DGKB: variants seen among roughly 807,000 people sequenced by gnomAD.
The protein encoded by DGKB is 90 kDa diacylglycerol kinase.
A neutral mutation model predicts 114.3 loss-of-function variants in DGKB; 67 were observed. The observed-to-expected ratio is 0.59, with a 90% CI of 0.48 to 0.72. The LOEUF is 0.72. DGKB is among the 30% of genes least tolerant of loss of function. DGKB has a pLI of 0.00. For missense variants in DGKB, 907 were observed against 975.2 expected (o/e 0.93, Z 0.93); for synonymous variants, 398 against 323.1 (o/e 1.23, Z -2.49).
At chr7:14,212,762 TTTTTTTC>T (rs1788330873) in intron 23 of DGKB, among the ~76,000 whole-genome samples, 1 of 150,752 alleles carries the variant, frequency 6.6e-6, no homozygotes, top group Non-Finnish European at 1.5e-5. Context: ...CCAAAATACT[TTTTTTTC>T]TAAAGTACCT....
intron 1 of DGKB, among the ~76,000 whole-genome samples, chr7:14,879,446 T>C (rs1032141835): frequency 9.9e-5 from 15 of 152,222 alleles, no homozygotes; most frequent in Admixed American, 7.9e-4. Flanking sequence ...TTTCAGGTTA[T>C]TTGGCTATTT....
chr7:14,330,202 T>G (rs1003335207), intron 23 of DGKB, among the ~76,000 whole-genome samples: 1 of 152,012 alleles, frequency 6.6e-6, no homozygotes, highest in Admixed American at 6.6e-5. Context: ...GAGCCTTAAT[T>G]AAAAATCCTG....
intron 23 of DGKB, among the ~76,000 whole-genome samples, chr7:14,263,785 CA>C (rs11318578): frequency 0.93 from 141,992 of 152,190 alleles, 66,302 homozygotes; most frequent in South Asian, 0.98. Context: ...ATCCCTTAGG[CA>C]AATCATTTTT....
At chr7:14,750,245 A>T (rs916905451) in intron 4 of DGKB, 5 of 476,132 alleles carry the variant, frequency 1.1e-5, no homozygotes, top group Non-Finnish European at 2.1e-5. Flanking sequence ...TTGCAATATT[A>T]ACACATGGTA....
At position 14,497,060 on chromosome 7, in the gene DGKB, A is replaced by C. The variant is rs560097599; in HGVS notation, c.1771-18835T>G. Among the ~76,000 whole-genome samples the C allele has an allele frequency of 2.0e-5, 3 of 151,972 alleles. No homozygotes were observed. The Admixed American group carries it at 2.0e-4, about 10-fold the overall frequency. ...AGCAACTTGGATGGAACTGCAGGCC[A>C]CTATTCTAAGTGAAGTAACTCAGAA... On this transcript the variant is annotated intron_variant, in intron 20 of 25. Coordinates refer to ENST00000402815, the MANE Select transcript of DGKB (RefSeq NM_001350709.2).
chr7:14,484,796 A>C (rs1783524086), intron 20 of DGKB, among the ~76,000 whole-genome samples: 1 of 152,156 alleles, frequency 6.6e-6, no homozygotes, highest in Non-Finnish European at 1.5e-5. Flanking sequence ...GAATTAGACA[A>C]TAAAAGTTAC....
At chr7:14,205,495 T>G (rs1184030273) in intron 23 of DGKB, among the ~76,000 whole-genome samples, 1 of 151,970 alleles carries the variant, frequency 6.6e-6, no homozygotes, top group Non-Finnish European at 1.5e-5. Context: ...TTCACAGAAT[T>G]GTTTGGCTCA....
At chr7:14,899,909 G>C (rs996900203) in intron 1 of DGKB, among the ~76,000 whole-genome samples, 2 of 152,010 alleles carry the variant, frequency 1.3e-5, no homozygotes, top group Admixed American at 1.3e-4. Context: ...TAGTCACATC[G>C]AGTGGTAAAT....
chr7:14,823,106 T>C (rs934463750), intron 2 of DGKB, among the ~76,000 whole-genome samples: 3 of 151,780 alleles, frequency 2.0e-5, no homozygotes, highest in African/African-American at 7.2e-5. Context: ...CAGATATCTT[T>C]GTATGTTAAA....
intron 23 of DGKB, among the ~76,000 whole-genome samples, chr7:14,264,319 C>T (rs1797192072): frequency 6.6e-6 from 1 of 152,150 alleles, no homozygotes; most frequent in South Asian, 2.1e-4. Context: ...AAACCACACG[C>T]TTTCAGGTTG....
chr7:14,149,199 C>G lies in DGKB; in HGVS notation c.2344G>C (p.Gly782Arg), dbSNP rs763503657. The G allele has an allele frequency of 3.1e-6, 5 of 1,613,036 alleles. No homozygotes were observed. In the African/African-American group the frequency reaches 4.0e-5, roughly 13 times the overall value. Residue 782 changes from glycine to arginine, a missense_variant, in exon 26 of 26, where the codon GGC becomes CGC. Physicochemically the swap from Gly to Arg is moderately radical, Grantham distance 125. This residue lies in a region of DGKB where 58 missense variants were observed against 52.5 expected (regional missense o/e 1.10). Transcript: ENST00000402815. ...THKNQAPMLM[G>R]PPPKTGLFCS... ...AATAAACCGGTTTTTGGAGGCGGGC[C>G]CATCAGCATTGGGGCTTGGTTCTTG... is the stretch of plus-strand genomic sequence containing the variant.
In DGKB at chr7:14,549,404, A is replaced by AT. The variant is rs80210648; in HGVS notation, c.1770+24807dup. 4.6e-5 allele frequency among the ~76,000 whole-genome samples: 7 copies of AT among 152,036 alleles called. No homozygotes were observed. The South Asian group carries it at 6.2e-4, about 14-fold the overall frequency. ...CCCCAGAAATTACCTAGGAATAAAT[A>AT]TTTTTTTTTAAAAAATTGATATATA... On this transcript the variant is annotated intron_variant, in intron 20 of 25. Coordinates refer to ENST00000402815, the MANE Select transcript of DGKB (RefSeq NM_001350709.2).
rs1849470478 is a variant in DGKB at position 14,852,370 on chromosome 7, C to G, written c.-187-10920G>C. ...CAGGTGCATATTGTTTATCAATTCT[C>G]ATCTCCCTCTGAAGTGAATAATAAG... On this transcript the variant is annotated intron_variant, in intron 1 of 25. Coordinates refer to ENST00000402815, the MANE Select transcript of DGKB (RefSeq NM_001350709.2). Among the ~76,000 whole-genome samples, 3 of 150,310 alleles carry G rather than the reference C, an allele frequency of 2.0e-5. No homozygotes were observed. The South Asian group carries it at 6.3e-4, about 32-fold the overall frequency.
At chr7:14,745,586 A>G (rs1833162524) in intron 4 of DGKB, among the ~76,000 whole-genome samples, 1 of 152,204 alleles carries the variant, frequency 6.6e-6, no homozygotes, top group Non-Finnish European at 1.5e-5. Context: ...ATCAATGTGT[A>G]GTGGCTCAGA....
intron 4 of DGKB, among the ~76,000 whole-genome samples, chr7:14,740,553 T>C (rs1039348419): frequency 2.0e-5 from 3 of 152,172 alleles, no homozygotes; most frequent in African/African-American, 7.2e-5. Flanking sequence ...TTCCAAGCTT[T>C]GGGTTGAAGC....
intron 2 of DGKB, among the ~76,000 whole-genome samples, chr7:14,799,240 C>T (rs934684226): frequency 6.6e-6 from 1 of 152,172 alleles, no homozygotes; most frequent in Non-Finnish European, 1.5e-5. Context: ...TCCATAAAGC[C>T]CACCAGAAGC....
intron 16 of DGKB, among the ~76,000 whole-genome samples, chr7:14,609,673 A>G (rs866510490): frequency 2.0e-5 from 3 of 152,086 alleles, no homozygotes; most frequent in Middle Eastern, 6.8e-3. Context: ...AATCAATGGG[A>G]AAAAAACAAC....
At chr7:14,398,344 AACAG>A (rs1822559800) in intron 21 of DGKB, among the ~76,000 whole-genome samples, 1 of 152,074 alleles carries the variant, frequency 6.6e-6, no homozygotes, top group Admixed American at 6.6e-5. Context: ...AAATTAGAAA[AACAG>A]ACACTTTATA....
intron 14 of DGKB, among the ~76,000 whole-genome samples, chr7:14,622,093 T>C (rs1807765364): frequency 1.3e-5 from 2 of 152,104 alleles, no homozygotes. Flanking sequence ...GTATCACCAT[T>C]ACTCCACCAA....
Sources: gnomAD v4.1 joint callset for allele counts (sites outside exome capture counted in the v4.1 genomes callset) on GRCh38, gnomAD v4.1.1 for gene constraint, gnomAD v4.1.1 regional missense constraint, MANE v1.5 for transcripts, NCBI Gene and HGNC (gene_info 2026-07-23, HGNC 2026-07-21) for gene names.